RRAGD: variants seen among roughly 807,000 people sequenced by gnomAD.
RRAGD encodes the protein Ras related GTP binding D, also known as ras-related GTP-binding protein D.
RRAGD carries 12 observed loss-of-function variants against 35.5 expected under a neutral mutation model. The observed-to-expected ratio is 0.34, with a 90% CI of 0.22 to 0.55. The LOEUF (loss-of-function observed/expected upper bound fraction) is 0.55, where lower values mean the gene tolerates loss of function less well. Ranked by LOEUF, RRAGD falls within the 20% of genes least tolerant of loss-of-function variation. The pLI is 0.91. For missense variants in RRAGD, 324 were observed against 490.1 expected (o/e 0.66, Z 3.20); for synonymous variants, 155 against 178.9 (o/e 0.87, Z 1.07).
At chr6:89,405,079 G>A (rs988374497) in intron 1 of RRAGD, among the ~76,000 whole-genome samples, 5 of 152,018 alleles carry the variant, frequency 3.3e-5, no homozygotes, top group Admixed American at 6.6e-5. Context: ...GGCCAGGCAC[G>A]GTGGCTCACA....
chr6:89,369,046 G>A (rs1768813066), intron 6 of RRAGD, among the ~76,000 whole-genome samples: 1 of 151,792 alleles, frequency 6.6e-6, no homozygotes, highest in African/African-American at 2.4e-5. Context: ...GATGCTTCTA[G>A]AGCCGCGTCC....
At position 89,365,976 on chromosome 6, in the gene RRAGD, A is replaced by G. The variant is rs1768734700; in HGVS notation, c.*2080T>C. 1 of 152,174 alleles carries G rather than the reference A, an allele frequency of 6.6e-6. No individual in the cohort carries two copies. The highest frequency in any genetic ancestry group is 1.5e-5 in the Non-Finnish European group (1 of 68,032). The allele number at this position is 152,174 out of a possible 1,614,324, so 9.4% of individuals were successfully genotyped here. On this transcript the variant is annotated 3_prime_UTR_variant, in exon 7 of 7. Coordinates refer to ENST00000369415, the MANE Select transcript of RRAGD (RefSeq NM_021244.5). ...CCCCTAAGTGTCAGGTCTGTTGGCA[A>G]AGGTCCAACAGGATATAGCTCTGGA...
At position 89,387,438 on chromosome 6, in the gene RRAGD, A is replaced by G. The variant is rs1188864022; in HGVS notation, c.301T>C (p.Cys101Arg). Reference sequence around the variant, plus strand: ...GAGCTGTTGGAAACATCTTCCCGGCATATCTTATTAGTGCTCTCCAAGAAC... The same window carrying G: ...GAGCTGTTGGAAACATCTTCCCGGCGTATCTTATTAGTGCTCTCCAAGAAC... ...TLFLESTNKICREDVSNSSFV... is the reference protein window; with the variant it reads ...TLFLESTNKIRREDVSNSSFV... The change falls in exon 2 of 7, where the codon TGC (cysteine) becomes CGC (arginine). Residue 101 changes from cysteine (C) to arginine (R), a missense_variant. Coordinates refer to ENST00000369415, the MANE Select transcript of RRAGD (RefSeq NM_021244.5). 2 of 1,614,190 alleles carry G rather than the reference A, an allele frequency of 1.2e-6. No homozygotes were observed. Among genetic ancestry groups the G allele is most frequent in the Non-Finnish European group, 8.5e-7 (1 of 1,180,032 alleles).
At chr6:89,403,393 A>C (rs1309580816) in intron 1 of RRAGD, among the ~76,000 whole-genome samples, 1 of 151,930 alleles carries the variant, frequency 6.6e-6, no homozygotes, top group East Asian at 1.9e-4. Context: ...TGCAGTGAGC[A>C]GAGATCGCGC....
intron 1 of RRAGD, among the ~76,000 whole-genome samples, chr6:89,393,836 G>C (rs1769282377): frequency 1.3e-5 from 2 of 152,176 alleles, no homozygotes; most frequent in Non-Finnish European, 2.9e-5. Context: ...TGGCATTCAT[G>C]AAACAAGAAC....
intron 5 of RRAGD, 66 bp downstream of exon 5, chr6:89,377,605 C>A: frequency 1.4e-6 from 2 of 1,389,410 alleles, no homozygotes; most frequent in Non-Finnish European, 1.9e-6. Context: ...AATGTAAATG[C>A]AAAATGCCTG....
At chr6:89,397,101 T>C (rs1450526538) in intron 1 of RRAGD, among the ~76,000 whole-genome samples, 1 of 152,012 alleles carries the variant, frequency 6.6e-6, no homozygotes, top group African/African-American at 2.4e-5. Context: ...CCAAGAAGAT[T>C]TATGGAAGGT....
intron 1 of RRAGD, among the ~76,000 whole-genome samples, chr6:89,402,127 A>C (rs1014523037): frequency 1.4e-5 from 2 of 141,298 alleles, no homozygotes; most frequent in Admixed American, 1.5e-4. Flanking sequence ...AGCTCACTGC[A>C]ACCTCCGCCT....
At chr6:89,405,766 T>C (rs995426061) in intron 1 of RRAGD, among the ~76,000 whole-genome samples, 6 of 152,234 alleles carry the variant, frequency 3.9e-5, no homozygotes, top group Admixed American at 1.3e-4. Context: ...TATGTGCTTA[T>C]GGTTTTAGGA....
chr6:89,366,982 A>T lies in RRAGD; in HGVS notation c.*1074T>A, dbSNP rs748399745. ...AGTGAGAAGGAGATGTGGAGGTGACAAAAGTGACTAACAGGATTGAGCTCC... is the reference window on the plus strand; with the variant it reads ...AGTGAGAAGGAGATGTGGAGGTGACTAAAGTGACTAACAGGATTGAGCTCC... On this transcript the variant is annotated 3_prime_UTR_variant, in exon 7 of 7. Transcript: ENST00000369415. The T allele has an allele frequency of 1.3e-5, 2 of 152,212 alleles. No individual in the cohort carries two copies. Among genetic ancestry groups the T allele is most frequent in the African/African-American group, 2.4e-5 (1 of 41,434 alleles). The allele number at this position is 152,212 out of a possible 1,614,324, so 9.4% of individuals were successfully genotyped here.
intron 5 of RRAGD, 58 bp downstream of exon 5, chr6:89,377,613 C>A: frequency 1.4e-6 from 2 of 1,431,030 alleles, no homozygotes; most frequent in Non-Finnish European, 1.9e-6. Context: ...TGCAAAATGC[C>A]TGAAAGGTTA....
chr6:89,387,585 C>A lies in RRAGD; in HGVS notation c.154G>T (p.Asp52Tyr), dbSNP rs753877921. 1.2e-6 allele frequency: 2 copies of A among 1,610,500 alleles called. No individual in the cohort carries two copies. Among genetic ancestry groups the A allele is most frequent in the Admixed American group, 3.4e-5 (2 of 59,570 alleles). Residue 52 changes from aspartate to tyrosine, a missense_variant, in exon 2 of 7, where the codon GAC becomes TAC. Coordinates refer to ENST00000369415, the MANE Select transcript of RRAGD (RefSeq NM_021244.5). ...TCAGTGCTGAAGGGGTCACTGAAGT[C>A]CAGAACTGGAGAAACCACAAAATGA... ...PDSGTEEGVLDFSDPFSTEVK... is the reference protein window; with the variant it reads ...PDSGTEEGVLYFSDPFSTEVK...
In RRAGD at chr6:89,381,031, T is replaced by A. The variant is rs138967101; in HGVS notation, c.445-664A>T. On this transcript the variant is annotated intron_variant, in intron 2 of 6. Transcript: ENST00000369415. Reference sequence around the variant, plus strand: ...TTTTCCAGTCTCTTGTGAACTGTGATGAACAATTAGAGATGGAGGCATGAT... The same window carrying A: ...TTTTCCAGTCTCTTGTGAACTGTGAAGAACAATTAGAGATGGAGGCATGAT... Among the ~76,000 whole-genome samples, 232 of 152,080 alleles carry A rather than the reference T, an allele frequency of 1.5e-3. 1 individual carries two copies. The highest frequency in any genetic ancestry group is 5.4e-3 in the African/African-American group (222 of 41,482).
At position 89,365,472 on chromosome 6, in the gene RRAGD, A is replaced by G. The variant is rs1488459841; in HGVS notation, c.*2584T>C. 6.6e-6 allele frequency: 1 copy of G among 152,246 alleles called. No homozygotes were observed. The highest frequency in any genetic ancestry group is 1.9e-4 in the East Asian group (1 of 5,206). 9.4% of individuals were successfully genotyped at this position (152,246 alleles called of 1,614,324 possible). A position where few individuals can be genotyped will look rare whatever the true frequency, so the allele number is the denominator to read the frequency against. On this transcript the variant is annotated 3_prime_UTR_variant, in exon 7 of 7. Transcript: ENST00000369415. ...TACACATCGCAATAAGCTGCCTCTC[A>G]TATCAAAAATACAATGCAAAATGAC... is the stretch of plus-strand genomic sequence containing the variant.
At chr6:89,376,678 G>T (rs920770151) in intron 5 of RRAGD, among the ~76,000 whole-genome samples, 6 of 151,778 alleles carry the variant, frequency 4.0e-5, no homozygotes, top group Non-Finnish European at 7.4e-5. Flanking sequence ...CCCACTCCTT[G>T]TTTATTTTAT....
intron 1 of RRAGD, among the ~76,000 whole-genome samples, chr6:89,402,917 C>T (rs1383013561): frequency 6.6e-6 from 1 of 152,180 alleles, no homozygotes; most frequent in African/African-American, 2.4e-5. Context: ...CATTTACTGA[C>T]CACCTACATA....
At chr6:89,382,498 T>C (rs9451213) in intron 2 of RRAGD, among the ~76,000 whole-genome samples, 103,130 of 149,922 alleles carry the variant, frequency 0.69, 36,677 homozygotes, top group African/African-American at 0.88. Context: ...TTCCTTGAAC[T>C]CAGGAATTTG....
In RRAGD at chr6:89,412,099, G is replaced by C; in HGVS notation, c.-106C>G. On this transcript the variant is annotated 5_prime_UTR_variant, in exon 1 of 7. Coordinates refer to ENST00000369415, the MANE Select transcript of RRAGD (RefSeq NM_021244.5). This position sits in a 1 kb window ranked among gnomAD's most constrained non-coding sequence, Gnocchi z 4.2. ...TATTTCTGAAGCGGAGGTTTGTCTAGAGCTCAGCGGGGCCCGGCGGAAGCG... is the reference window on the plus strand; with the variant it reads ...TATTTCTGAAGCGGAGGTTTGTCTACAGCTCAGCGGGGCCCGGCGGAAGCG... 1.8e-6 allele frequency: 2 copies of C among 1,119,452 alleles called. No individual in the cohort carries two copies. The highest frequency in any genetic ancestry group is 2.3e-6 in the Non-Finnish European group (2 of 860,094). 69.3% of individuals were successfully genotyped at this position (1,119,452 alleles called of 1,614,324 possible). A position where few individuals can be genotyped will look rare whatever the true frequency, so the allele number is the denominator to read the frequency against.
intron 2 of RRAGD, among the ~76,000 whole-genome samples, chr6:89,384,566 C>T (rs1264764525): frequency 1.3e-5 from 2 of 152,142 alleles, no homozygotes; most frequent in Admixed American, 1.3e-4. Flanking sequence ...CCTGTAATCC[C>T]AGCACTTTGG....
Sources: gnomAD v4.1 joint callset for allele counts (sites outside exome capture counted in the v4.1 genomes callset) on GRCh38, gnomAD v4.1.1 for gene constraint, Gnocchi (gnomAD v3.1) non-coding constraint, MANE v1.5 for transcripts, NCBI Gene and HGNC (gene_info 2026-07-23, HGNC 2026-07-21) for gene names.